Variants in CEP128 observed in about 807,000 individuals in gnomAD.
CEP128 encodes centrosomal protein 128.
In CEP128, 132 loss-of-function variants were observed where a neutral mutation model predicts 156.7. The observed-to-expected ratio is 0.84, with a 90% confidence interval of 0.73 to 0.97. CEP128 has a LOEUF of 0.97. Among genes scored for constraint, CEP128 ranks in the 50% least tolerant of loss-of-function variants. The pLI is 0.00. For missense variants in CEP128, 1,252 were observed against 1,281.9 expected, an observed-to-expected ratio of 0.98 and a Z score of 0.36; for synonymous variants, 469 against 448.9, an observed-to-expected ratio of 1.04 and a Z score of -0.57.
At chr14:80,804,582 T>C (rs894803920) in intron 13 of CEP128, among the ~76,000 whole-genome samples, 1 of 152,216 alleles carries the variant, frequency 6.6e-6, no homozygotes, top group East Asian at 1.9e-4. Context: ...TGAATGAATA[T>C]AAACGCTGCA....
At chr14:80,859,445 C>T (rs1485404637) in intron 9 of CEP128, among the ~76,000 whole-genome samples, 9 of 149,066 alleles carry the variant, frequency 6.0e-5, no homozygotes, top group African/African-American at 1.5e-4. Context: ...ATACCTAATG[C>T]TAGATGACGA....
intron 12 of CEP128, 92 bp from the exon 13 acceptor site, chr14:80,831,386 C>A: frequency 7.6e-7 from 1 of 1,314,030 alleles, no homozygotes. Flanking sequence ...TTTCAATATT[C>A]TAGCTATCAT....
intron 9 of CEP128, among the ~76,000 whole-genome samples, chr14:80,855,248 G>A (rs906314653): frequency 2.6e-5 from 4 of 152,020 alleles, no homozygotes; most frequent in African/African-American, 9.7e-5. Context: ...TCTGCTTACC[G>A]AACCCCATGG....
intron 13 of CEP128, among the ~76,000 whole-genome samples, chr14:80,812,014 AAT>A (rs930561714): frequency 2.0e-5 from 3 of 152,138 alleles, no homozygotes; most frequent in African/African-American, 7.2e-5. Context: ...CATAGTACCC[AAT>A]ATATAGTTTT....
intron 21 of CEP128, among the ~76,000 whole-genome samples, chr14:80,534,547 C>T (rs1054118125): frequency 3.9e-5 from 6 of 152,134 alleles, no homozygotes; most frequent in African/African-American, 1.2e-4. Context: ...GGAGCAGGGC[C>T]GGACGTGGTG....
chr14:80,634,070 T>G (rs542670506), intron 19 of CEP128, among the ~76,000 whole-genome samples: 1 of 152,270 alleles, frequency 6.6e-6, no homozygotes, highest in East Asian at 1.9e-4. Flanking sequence ...GGCTAGAAAT[T>G]TGGGTCACTA....
At chr14:80,948,289 CT>C (rs1886389468) in intron 2 of CEP128, among the ~76,000 whole-genome samples, 1 of 152,122 alleles carries the variant, frequency 6.6e-6, no homozygotes, top group Non-Finnish European at 1.5e-5. Flanking sequence ...ATAATATTGC[CT>C]ACTACTCAAA....
chr14:80,866,703 A>T (rs1204314131), intron 8 of CEP128, among the ~76,000 whole-genome samples: 1 of 152,224 alleles, frequency 6.6e-6, no homozygotes, highest in Non-Finnish European at 1.5e-5. Context: ...ACAGAAACTA[A>T]GGCCATAAGG....
chr14:80,908,907 T>TA (rs1884042449), intron 4 of CEP128, among the ~76,000 whole-genome samples: 1 of 152,222 alleles, frequency 6.6e-6, no homozygotes, highest in East Asian at 1.9e-4. Flanking sequence ...ATTTTCAGTT[T>TA]ATCACTTCTC....
intron 19 of CEP128, among the ~76,000 whole-genome samples, chr14:80,614,098 A>T (rs2140607308): frequency 6.6e-6 from 1 of 152,248 alleles, no homozygotes; most frequent in East Asian, 1.9e-4. Context: ...GGAGAATGAC[A>T]TATAAAAATT....
intron 19 of CEP128, among the ~76,000 whole-genome samples, chr14:80,703,513 G>GA (rs558074984): frequency 4.4e-4 from 65 of 146,142 alleles, no homozygotes; most frequent in Middle Eastern, 3.5e-3. Flanking sequence ...GGAGAAATTA[G>GA]AAAAAAAAAA....
intron 2 of CEP128, among the ~76,000 whole-genome samples, chr14:80,917,836 A>G (rs1566715146): frequency 6.6e-6 from 1 of 152,278 alleles, no homozygotes; most frequent in Non-Finnish European, 1.5e-5. Flanking sequence ...ATATTGGATG[A>G]AACATAACTA....
At chr14:80,661,062 C>T (rs1047091396) in intron 19 of CEP128, among the ~76,000 whole-genome samples, 3 of 152,160 alleles carry the variant, frequency 2.0e-5, no homozygotes, top group African/African-American at 7.2e-5. Flanking sequence ...AGTAACCCAG[C>T]GTCACTGAAG....
intron 2 of CEP128, among the ~76,000 whole-genome samples, chr14:80,953,086 T>C (rs1319930691): frequency 2.6e-5 from 4 of 152,174 alleles, no homozygotes; most frequent in Admixed American, 6.5e-5. Context: ...AGGAATGATA[T>C]CAGTTCTACA....
chr14:80,840,875 T>C (rs1180045913), intron 9 of CEP128, 107 bp from the exon 10 acceptor site: 14 of 674,266 alleles, frequency 2.1e-5, no homozygotes, highest in Non-Finnish European at 3.4e-5. Flanking sequence ...GGATATGAGT[T>C]ACACAAAATC....
chr14:80,497,970 T>C (rs1566740363), intron 24 of CEP128, among the ~76,000 whole-genome samples: 1 of 152,214 alleles, frequency 6.6e-6, no homozygotes, highest in Non-Finnish European at 1.5e-5. Flanking sequence ...TTCTAGTCTA[T>C]TGAAAGTAGA....
intron 9 of CEP128, among the ~76,000 whole-genome samples, chr14:80,851,658 AT>A (rs1274758678): frequency 3.9e-5 from 6 of 152,064 alleles, no homozygotes; most frequent in Admixed American, 2.6e-4. Context: ...TTAAAAAAAA[AT>A]AAATAAGATA....
chr14:80,914,643 G>A (rs1017963722), intron 3 of CEP128, among the ~76,000 whole-genome samples: 5 of 151,998 alleles, frequency 3.3e-5, no homozygotes, highest in African/African-American at 7.3e-5. Context: ...ATGTAAATCC[G>A]TATTCAAGAT....
chr14:80,540,204 C>CA (rs972804305), intron 21 of CEP128, among the ~76,000 whole-genome samples: 5 of 150,190 alleles, frequency 3.3e-5, no homozygotes, highest in Non-Finnish European at 5.9e-5. Context: ...TACACCCCCC[C>CA]CCCTTTTGAA....
Sources: allele counts gnomAD v4.1 joint callset (sites outside exome capture counted in the v4.1 genomes callset), GRCh38; gene constraint gnomAD v4.1.1; transcripts MANE v1.5; gene names NCBI Gene and HGNC (gene_info 2026-07-23, HGNC 2026-07-21).